ZSWIM5: variants seen among roughly 807,000 people sequenced by gnomAD.
The protein encoded by ZSWIM5 is zinc finger SWIM domain-containing protein 5.
In ZSWIM5, 55 loss-of-function variants were observed where a neutral mutation model predicts 119.6. The observed-to-expected ratio is 0.46, with a 90% CI of 0.37 to 0.58. ZSWIM5 has a LOEUF of 0.58. ZSWIM5 is among the 20% of genes least tolerant of loss of function. The pLI is 0.00. For synonymous variants in ZSWIM5, 537 were observed against 606.9 expected, an observed-to-expected ratio of 0.88 and a Z score of 1.69; for missense variants, 1,193 against 1,512.8, an observed-to-expected ratio of 0.79 and a Z score of 3.51.
chr1:45,027,318 ATTG>A (rs1380373508), intron 11 of ZSWIM5, among the ~76,000 whole-genome samples: 1 of 151,934 alleles, frequency 6.6e-6, no homozygotes, highest in Non-Finnish European at 1.5e-5. Context: ...TTATAAACTG[ATTG>A]TTATTTATTC....
intron 1 of ZSWIM5, among the ~76,000 whole-genome samples, chr1:45,158,558 C>G (rs141139021): frequency 1.5e-4 from 23 of 152,318 alleles, no homozygotes; most frequent in African/African-American, 5.5e-4. Context: ...CTGCATATAA[C>G]TAGCTGTAAG....
At chr1:45,020,912 C>T (rs550199314) in intron 11 of ZSWIM5, 124 bp from the exon 12 acceptor site, 1 of 1,173,382 alleles carries the variant, frequency 8.5e-7, no homozygotes, top group African/African-American at 1.5e-5. Context: ...ATGCTACCGC[C>T]CCTTCTGGGT....
intron 1 of ZSWIM5, among the ~76,000 whole-genome samples, chr1:45,118,054 G>T (rs1250072439): frequency 6.6e-6 from 1 of 150,764 alleles, no homozygotes. Context: ...AGGGAGCCGA[G>T]ATCATGCCAC....
chr1:45,087,966 C>G lies in ZSWIM5; in HGVS notation c.867G>C (p.Thr289=). The part of the protein sequence containing the change: ...QLQKFIQYLI[T]AHHTEVLPTA... ...TAGGAAGAACTTCAGTGTGGTGTGC[C>G]GTGATTAAATATTGAATAAACTTTT... is the stretch of plus-strand genomic sequence containing the variant. The change falls in exon 2 of 14, where the codon ACG becomes ACC. Residue 289 remains threonine (T), a synonymous_variant. Transcript: ENST00000359600. 6.2e-7 allele frequency: 1 copy of G among 1,614,074 alleles called. No homozygotes were observed. Among genetic ancestry groups the G allele is most frequent in the Non-Finnish European group, 8.5e-7 (1 of 1,180,008 alleles).
At chr1:45,190,927 ATTTTTTTTTTTT>A (rs746764436) in intron 1 of ZSWIM5, among the ~76,000 whole-genome samples, 34 of 49,006 alleles carry the variant, frequency 6.9e-4, no homozygotes, top group South Asian at 1.8e-3. Flanking sequence ...AATAGCTGGA[ATTTTTTTTTTTT>A]TTTTTTTTTT....
intron 1 of ZSWIM5, among the ~76,000 whole-genome samples, chr1:45,203,169 A>G (rs1646167978): frequency 6.6e-6 from 1 of 152,062 alleles, no homozygotes; most frequent in South Asian, 2.1e-4. Context: ...CTTTGAGCAT[A>G]GCTGGAAAAG....
chr1:45,201,714 T>G (rs2149057764), intron 1 of ZSWIM5, among the ~76,000 whole-genome samples: 1 of 152,312 alleles, frequency 6.6e-6, no homozygotes, highest in East Asian at 1.9e-4. Context: ...GAAAGTCACC[T>G]TTAGAAAAAT....
At chr1:45,115,267 G>A (rs1450875189) in intron 1 of ZSWIM5, among the ~76,000 whole-genome samples, 1 of 151,536 alleles carries the variant, frequency 6.6e-6, no homozygotes, top group African/African-American at 2.4e-5. Flanking sequence ...CTGCCGGGCG[G>A]GGGCGGGGGC....
At chr1:45,161,219 C>A (rs1214112156) in intron 1 of ZSWIM5, among the ~76,000 whole-genome samples, 1 of 151,966 alleles carries the variant, frequency 6.6e-6, no homozygotes, top group Non-Finnish European at 1.5e-5. Context: ...GATAAACATC[C>A]AAGTGCAGGA....
chr1:45,021,746 G>A (rs1195396822), intron 11 of ZSWIM5, among the ~76,000 whole-genome samples: 5 of 152,174 alleles, frequency 3.3e-5, no homozygotes, highest in East Asian at 3.9e-4. Context: ...CAGGTTGGGC[G>A]CAGTGGCTCT....
chr1:45,110,925 G>GTGAC (rs907381647), intron 1 of ZSWIM5, among the ~76,000 whole-genome samples: 6 of 152,088 alleles, frequency 3.9e-5, no homozygotes, highest in Non-Finnish European at 7.4e-5. Flanking sequence ...TATCGATCTG[G>GTGAC]TGACTGACTG....
intron 1 of ZSWIM5, among the ~76,000 whole-genome samples, chr1:45,168,635 A>C (rs1364331443): frequency 6.8e-6 from 1 of 147,062 alleles, no homozygotes; most frequent in East Asian, 2.0e-4. Flanking sequence ...ACTGCACTCC[A>C]GCCTGGGCGA....
At chr1:45,034,966 T>C (rs1240353533) in intron 10 of ZSWIM5, among the ~76,000 whole-genome samples, 1 of 152,030 alleles carries the variant, frequency 6.6e-6, no homozygotes, top group Non-Finnish European at 1.5e-5. Flanking sequence ...ATTTTTTGTT[T>C]TTGTAGAGAT....
intron 11 of ZSWIM5, 62 bp from the exon 12 acceptor site, chr1:45,020,850 T>G: frequency 6.5e-7 from 1 of 1,547,914 alleles, no homozygotes; most frequent in Non-Finnish European, 8.8e-7. Flanking sequence ...GTCAGCTGAC[T>G]GCAATAGATA....
rs1319849843 is a variant in ZSWIM5, at chr1:45,040,458, C to T, written c.1690G>A (p.Ala564Thr). 15 of 1,612,228 alleles carry T rather than the reference C, an allele frequency of 9.3e-6. No individual in the cohort carries two copies. Among genetic ancestry groups the T allele is most frequent in the Non-Finnish European group, 1.3e-5 (15 of 1,179,172 alleles). Residue 564 changes from alanine to threonine, a missense_variant, in exon 7 of 14, where the codon GCC (alanine) becomes ACC (threonine). This residue lies in a region of ZSWIM5 where 961 missense variants were observed against 1,290.0 expected (regional missense o/e 0.74). Coordinates refer to ENST00000359600, the MANE Select transcript of ZSWIM5 (RefSeq NM_020883.2). The stretch of plus-strand genomic sequence containing the variant: ...TGCAACCTCAGAGTATTAATAATGG[C>T]CACTGTGAGTCTGAGGGCCTCTTTT... ...YPKEALRLTV[A>T]IINTLRLQQQ...
Position 45,051,077 on chromosome 1 carries a change from G to C in ZSWIM5, c.1429C>G (p.Pro477Ala). 1 of 1,612,756 alleles carries C rather than the reference G, an allele frequency of 6.2e-7. No homozygotes were observed. The highest frequency in any genetic ancestry group is 1.1e-5 in the South Asian group (1 of 90,734). Residue 477 changes from proline (P) to alanine (A), a missense_variant, in exon 5 of 14, where the codon CCA (proline) becomes GCA (alanine). Physicochemically the swap from Pro to Ala is conservative, Grantham distance 27. Transcript: ENST00000359600. ...NALPQSAIHSPDSLSRPRRTV... is the reference protein window; with the variant it reads ...NALPQSAIHSADSLSRPRRTV... The stretch of plus-strand genomic sequence containing the variant: ...CCTAAAAGGACACTTGGCTCACCTG[G>C]GCTGTGAATGGCACTCTGGGGAAGT...
At chr1:45,020,216 C>A in intron 12 of ZSWIM5, 69 bp from the exon 13 acceptor site, 1 of 1,260,106 alleles carries the variant, frequency 7.9e-7, no homozygotes, top group African/African-American at 1.5e-5. Flanking sequence ...CCCTTGCATT[C>A]ATTTATGCGA....
intron 1 of ZSWIM5, among the ~76,000 whole-genome samples, chr1:45,204,727 C>A (rs1387053767): frequency 6.6e-6 from 1 of 152,164 alleles, no homozygotes; most frequent in Non-Finnish European, 1.5e-5. Context: ...TTTCAAAAAT[C>A]AGTATTTTCT....
chr1:45,133,436 C>T (rs1406937107), intron 1 of ZSWIM5, among the ~76,000 whole-genome samples: 1 of 152,126 alleles, frequency 6.6e-6, no homozygotes, highest in Non-Finnish European at 1.5e-5. Context: ...CCATTCATAT[C>T]CTTTGCCCAC....
Sources: gnomAD v4.1 joint callset for allele counts (sites outside exome capture counted in the v4.1 genomes callset) on GRCh38, gnomAD v4.1.1 for gene constraint, gnomAD v4.1.1 regional missense constraint, MANE v1.5 for transcripts, NCBI Gene and HGNC (gene_info 2026-07-23, HGNC 2026-07-21) for gene names.